The following DAW1 variants were observed in gnomAD, a reference collection of about 807,000 sequenced individuals.
DAW1 encodes the protein dynein assembly factor with WD repeats 1.
A neutral mutation model predicts 56.5 loss-of-function variants in DAW1; 47 were observed. The observed-to-expected ratio is 0.83, with a 90% CI of 0.66 to 1.06. The LOEUF (loss-of-function observed/expected upper bound fraction) is 1.06. Among genes scored for constraint, DAW1 ranks in the 50% least tolerant of loss-of-function variants. The probability of loss-of-function intolerance (pLI) is 0.00; values close to 1 mark genes in which losing one functional copy is unlikely to be tolerated. For synonymous variants in DAW1, 190 were observed against 179.0 expected (o/e 1.06, Z -0.49); for missense variants, 505 against 499.3 (o/e 1.01, Z -0.11).
intron 1 of DAW1, 119 bp from the exon 2 acceptor site, chr2:227,885,232 T>C: frequency 3.0e-6 from 2 of 659,228 alleles, no homozygotes; most frequent in South Asian, 6.0e-5. Flanking sequence ...CTGCTTATTT[T>C]TTGTTAAAAA....
chr2:227,890,584 A>G (rs150773992), intron 3 of DAW1, among the ~76,000 whole-genome samples: 119 of 152,332 alleles, frequency 7.8e-4, no homozygotes, highest in African/African-American at 2.7e-3. Context: ...TAATTATGAT[A>G]GTAACATATA....
chr2:227,924,181 A>G lies in DAW1; in HGVS notation c.*213A>G. The G allele has an allele frequency of 1.7e-6, 1 of 581,790 alleles. No individual in the cohort carries two copies. Among genetic ancestry groups the G allele is most frequent in the Non-Finnish European group, 3.0e-6 (1 of 329,916 alleles). The allele number at this position is 581,790 out of a possible 1,614,324, so 36.0% of individuals were successfully genotyped here. A position where few individuals can be genotyped will look rare whatever the true frequency, so the allele number is the denominator to read the frequency against. Reference sequence around the variant, plus strand: ...TTATTTGATGGCGATGGCAGGACACAGCATAATGTTTGGCTAATGCCACCA... The same window carrying G: ...TTATTTGATGGCGATGGCAGGACACGGCATAATGTTTGGCTAATGCCACCA... On this transcript the variant is annotated 3_prime_UTR_variant, in exon 13 of 13. Transcript: ENST00000309931.
intron 10 of DAW1, among the ~76,000 whole-genome samples, 165 bp downstream of exon 10, chr2:227,907,417 A>G (rs942198520): frequency 1.3e-5 from 2 of 152,180 alleles, no homozygotes; most frequent in African/African-American, 4.8e-5. Context: ...TGTCTATATC[A>G]TATACCTGAT....
chr2:227,885,179 G>A, intron 1 of DAW1, among the ~76,000 whole-genome samples, 172 bp from the exon 2 acceptor site: 1 of 152,004 alleles, frequency 6.6e-6, no homozygotes, highest in East Asian at 1.9e-4. Context: ...GAAGGACCAG[G>A]GAAAAGTTTG....
At chr2:227,876,434 G>A in intron 1 of DAW1, 1 of 1,302,110 alleles carries the variant, frequency 7.7e-7, no homozygotes, top group Admixed American at 2.3e-5. Context: ...TTTAATTTCT[G>A]AATTCCAGTC....
In DAW1 at chr2:227,885,413, C is replaced by T. The variant is rs945616319; in HGVS notation, c.103C>T (p.Leu35Phe). The T allele has an allele frequency of 6.2e-7, 1 of 1,602,784 alleles. No individual in the cohort carries two copies. Among genetic ancestry groups the T allele is most frequent in the East Asian group, 2.2e-5 (1 of 44,494 alleles). The change falls in exon 2 of 13, where the codon CTT becomes TTT. Residue 35 changes from leucine to phenylalanine, a missense_variant. By Grantham distance (22) the Leu-to-Phe change is conservative (BLOSUM62 0). Transcript: ENST00000309931. ...GACTAAGTCCATAGATTTGCTTGAT[C>T]TTGGTCCCAGGTAAGTAAGCTGTAG... is the stretch of plus-strand genomic sequence containing the variant. ...LKTKSIDLLD[L>F]GPSTDVSALV...
At chr2:227,912,401 T>G (rs1691851084) in intron 10 of DAW1, 9 of 1,304,786 alleles carry the variant, frequency 6.9e-6, no homozygotes, top group Admixed American at 2.3e-5. Context: ...TGTTATCCGG[T>G]GTGTTCATCT....
At chr2:227,895,631 A>C (rs1445874858) in intron 5 of DAW1, 1 of 152,276 alleles carries the variant, frequency 6.6e-6, no homozygotes, top group Admixed American at 6.5e-5. Context: ...GGGCACACTC[A>C]GTGGCCAGTC....
chr2:227,914,897 A>G (rs1691915378), intron 10 of DAW1, among the ~76,000 whole-genome samples: 1 of 152,134 alleles, frequency 6.6e-6, no homozygotes, highest in South Asian at 2.1e-4. Flanking sequence ...ATTCTAGGCT[A>G]TAGGCCACCA....
chr2:227,896,630 GT>G (rs1691415373), intron 5 of DAW1, among the ~76,000 whole-genome samples: 6 of 135,558 alleles, frequency 4.4e-5, no homozygotes, highest in African/African-American at 8.0e-5. Flanking sequence ...GTGTGTGTGT[GT>G]ATGAGAGAGA....
At chr2:227,911,235 T>C (rs1691808040) in intron 10 of DAW1, among the ~76,000 whole-genome samples, 1 of 66,876 alleles carries the variant, frequency 1.5e-5, no homozygotes, top group South Asian at 3.7e-4. Context: ...TATGTGTATA[T>C]ATACATATAT....
Position 227,889,964 on chromosome 2 carries a change from C to T in DAW1, c.222C>T (p.Leu74=), listed in dbSNP as rs200477088. 2.6e-5 allele frequency: 42 copies of T among 1,599,304 alleles called. No individual in the cohort carries two copies. In the East Asian group the frequency reaches 3.4e-4, roughly 13 times the overall value. ...KLLIQRLQEK[L]GQNSNHTFYL... ...TGATACAGAGGTTGCAAGAGAAACT[C>T]GGCCAGAACAGCAATCACACGTTCT... Residue 74 remains leucine, a synonymous_variant, in exon 3 of 13, where the codon CTC becomes CTT. Transcript: ENST00000309931.
At position 227,891,278 on chromosome 2, in the gene DAW1, A is replaced by G. The variant is rs773897299; in HGVS notation, c.282A>G (p.Pro94=). 1 of 1,613,412 alleles carries G rather than the reference A, an allele frequency of 6.2e-7. No individual in the cohort carries two copies. The highest frequency in any genetic ancestry group is 1.7e-5 in the Admixed American group (1 of 59,920). Residue 94 remains proline, a synonymous_variant, in exon 4 of 13, where the codon CCA becomes CCG. Coordinates refer to ENST00000309931, the MANE Select transcript of DAW1 (RefSeq NM_178821.3). The part of the protein sequence containing the change: ...LFKVLKAHIL[P]LTNVALNKSG... ...AGGTTCTCAAAGCACATATATTGCC[A>G]CTGACTAATGTTGCACTTAACAAAT...
intron 1 of DAW1, among the ~76,000 whole-genome samples, chr2:227,883,683 A>G (rs1295539545): frequency 3.3e-5 from 5 of 152,226 alleles, no homozygotes; most frequent in Non-Finnish European, 7.3e-5. Context: ...TAAAACATTT[A>G]GCAGAAGCTT....
intron 6 of DAW1, among the ~76,000 whole-genome samples, chr2:227,899,677 G>A (rs1691491757): frequency 6.6e-6 from 1 of 152,196 alleles, no homozygotes; most frequent in African/African-American, 2.4e-5. Context: ...ACCAGAAAGA[G>A]CAAACAAGAA....
chr2:227,920,141 A>C (rs77241046), intron 11 of DAW1, among the ~76,000 whole-genome samples: 2,056 of 152,284 alleles, frequency 0.014, 49 homozygotes, highest in African/African-American at 0.048. Flanking sequence ...ATAAGTAAAC[A>C]TCTATTTTCA....
intron 4 of DAW1, among the ~76,000 whole-genome samples, chr2:227,891,897 G>T (rs76445772): frequency 0.068 from 10,398 of 152,234 alleles, 369 homozygotes; most frequent in Middle Eastern, 0.099. Flanking sequence ...AGAGGTCAGA[G>T]GTCAAGGTGT....
chr2:227,923,216 A>G (rs1458344150), intron 12 of DAW1, among the ~76,000 whole-genome samples: 1 of 152,204 alleles, frequency 6.6e-6, no homozygotes, highest in Non-Finnish European at 1.5e-5. Flanking sequence ...TGGAGCAGTC[A>G]CTTTATTTGA....
chr2:227,918,595 C>T (rs1251521843), intron 10 of DAW1, among the ~76,000 whole-genome samples, 185 bp from the exon 11 acceptor site: 1 of 152,150 alleles, frequency 6.6e-6, no homozygotes, highest in Non-Finnish European at 1.5e-5. Context: ...CCCTCTCACC[C>T]TCTCCTGCAA....
Sources: gnomAD v4.1 joint callset for allele counts (sites outside exome capture counted in the v4.1 genomes callset) on GRCh38, gnomAD v4.1.1 for gene constraint, MANE v1.5 for transcripts, NCBI Gene and HGNC (gene_info 2026-07-23, HGNC 2026-07-21) for gene names.